The following CD226 variants were observed in gnomAD, a reference collection of about 807,000 sequenced individuals.
The protein encoded by CD226 is CD226 antigen.
In CD226, 24 loss-of-function variants were observed where a neutral mutation model predicts 34.9. The observed-to-expected ratio is 0.69, with a 90% confidence interval of 0.50 to 0.97. The LOEUF (loss-of-function observed/expected upper bound fraction) is 0.97. CD226 is among the 50% of genes least tolerant of loss of function. CD226 has a pLI of 0.00. For synonymous variants in CD226, 148 were observed against 147.4 expected (o/e 1.00, Z -0.03); for missense variants, 397 against 412.7 (o/e 0.96, Z 0.33).
chr18:69,946,436 C>T (rs1023210916), intron 2 of CD226, among the ~76,000 whole-genome samples: 2 of 151,964 alleles, frequency 1.3e-5, no homozygotes, highest in Non-Finnish European at 2.9e-5. Context: ...CATGTGTTGC[C>T]AACATCAGTT....
intron 4 of CD226, among the ~76,000 whole-genome samples, chr18:69,868,203 T>C (rs1353860465): frequency 1.3e-5 from 2 of 152,218 alleles, no homozygotes; most frequent in Admixed American, 6.5e-5. Flanking sequence ...TATAACTGTA[T>C]CCAACTATAT....
upstream of CD226, among the ~76,000 whole-genome samples, chr18:69,948,112 C>G (rs945014015): frequency 6.6e-6 from 1 of 152,172 alleles, no homozygotes; most frequent in African/African-American, 2.4e-5. Flanking sequence ...ATTATAGAGT[C>G]ACAGTAAGTC....
chr18:69,872,091 G>GTGTGTGTGT (rs768112256), intron 4 of CD226, among the ~76,000 whole-genome samples: 10,575 of 93,630 alleles, frequency 0.11, 436 homozygotes, highest in Non-Finnish European at 0.14. Context: ...TGTGTGTGTG[G>GTGTGTGTGT]TGCATTTGGT....
At position 69,873,176 on chromosome 18, in the gene CD226, T is replaced by C; in HGVS notation, c.798A>G (p.Ser266=). 6.2e-7 allele frequency: 1 copy of C among 1,608,098 alleles called. No homozygotes were observed. The highest frequency in any genetic ancestry group is 2.2e-5 in the East Asian group (1 of 44,784). The change falls in exon 4 of 6, where the codon TCA becomes TCG. Residue 266 remains serine (S), a synonymous_variant. Transcript: ENST00000582621. The part of the protein sequence containing the change: ...GTVLLLLFVI[S]ITTIIVIFLN... ...GGAAAATGACAATGATGGTGGTAAT[T>C]GAGATAACAAACAACAACAATAAAA... is the stretch of plus-strand genomic sequence containing the variant.
At chr18:69,880,433 G>A (rs1984177246) in intron 3 of CD226, among the ~76,000 whole-genome samples, 1 of 151,956 alleles carries the variant, frequency 6.6e-6, no homozygotes, top group African/African-American at 2.4e-5. Context: ...GAAAGAGTTG[G>A]CAAGGGTATG....
At chr18:69,945,071 G>GTTCT (rs1402813691) in intron 2 of CD226, among the ~76,000 whole-genome samples, 3 of 152,132 alleles carry the variant, frequency 2.0e-5, no homozygotes, top group Admixed American at 2.0e-4. Flanking sequence ...GTCATAAAAT[G>GTTCT]TTCTTCTCTG....
At chr18:69,889,444 A>C (rs1272508433) in intron 3 of CD226, among the ~76,000 whole-genome samples, 1 of 151,602 alleles carries the variant, frequency 6.6e-6, no homozygotes, top group Non-Finnish European at 1.5e-5. Flanking sequence ...TCTATTCTAA[A>C]TTCATAGGAG....
At chr18:69,910,941 G>T (rs917989624) in intron 2 of CD226, among the ~76,000 whole-genome samples, 1 of 152,148 alleles carries the variant, frequency 6.6e-6, no homozygotes, top group African/African-American at 2.4e-5. Flanking sequence ...CAAGGCAATG[G>T]AGTAAACACC....
At chr18:69,879,293 G>A (rs939834315) in intron 3 of CD226, among the ~76,000 whole-genome samples, 4 of 152,172 alleles carry the variant, frequency 2.6e-5, no homozygotes, top group African/African-American at 9.7e-5. Context: ...GCCTGGGGGT[G>A]CTGCAGGAGG....
chr18:69,892,048 C>T (rs1476154548), intron 3 of CD226, among the ~76,000 whole-genome samples: 2 of 152,198 alleles, frequency 1.3e-5, no homozygotes, highest in African/African-American at 4.8e-5. Context: ...TCTTCATAAC[C>T]TGTTTCATGT....
At chr18:69,935,039 G>A (rs2055635012) in intron 2 of CD226, among the ~76,000 whole-genome samples, 1 of 152,108 alleles carries the variant, frequency 6.6e-6, no homozygotes, top group East Asian at 1.9e-4. Flanking sequence ...TTAGAAACCA[G>A]ATCTTTTTAT....
chr18:69,946,684 G>A (rs756679464), intron 2 of CD226, 50 bp downstream of exon 2: 1 of 1,211,694 alleles, frequency 8.3e-7, no homozygotes. Flanking sequence ...AGAAATAAAT[G>A]TTGTAAGTGG....
At chr18:69,876,605 ATTGTG>A (rs1568162081) in intron 3 of CD226, among the ~76,000 whole-genome samples, 1 of 152,052 alleles carries the variant, frequency 6.6e-6, no homozygotes, top group African/African-American at 2.4e-5. Context: ...AAACTCTCCA[ATTGTG>A]TTTTTTCTCT....
At position 69,867,405 on chromosome 18, in the gene CD226, T is replaced by C. The variant is rs2085826220; in HGVS notation, c.837A>G (p.Arg279=). The change falls in exon 5 of 6, where the codon AGA becomes AGG. Residue 279 remains arginine, a synonymous_variant. Coordinates refer to ENST00000582621, the MANE Select transcript of CD226 (RefSeq NM_001303618.2). ...TAAATAGATCTCTTCTCTCTCTCCT[T>C]CTCCTTCTGGAATGCATATTCAATA... ...TIIVIFLNRR[R]RRERRDLFTE... is the part of the protein sequence containing the mutation. The C allele has an allele frequency of 1.9e-6, 3 of 1,569,636 alleles. No homozygotes were observed. The highest frequency in any genetic ancestry group is 2.6e-6 in the Non-Finnish European group (3 of 1,139,708).
intron 2 of CD226, among the ~76,000 whole-genome samples, chr18:69,909,679 T>C (rs1249582303): frequency 6.6e-6 from 1 of 151,924 alleles, no homozygotes; most frequent in Non-Finnish European, 1.5e-5. Context: ...GAAACAAGAG[T>C]GTCCATGGTA....
chr18:69,870,149 C>G (rs1488434690), intron 4 of CD226, among the ~76,000 whole-genome samples: 4 of 151,830 alleles, frequency 2.6e-5, no homozygotes, highest in Non-Finnish European at 5.9e-5. Context: ...AACCAAGGTT[C>G]CCTATCCATT....
At chr18:69,901,130 G>A (rs1039671332) in intron 2 of CD226, among the ~76,000 whole-genome samples, 2 of 151,896 alleles carry the variant, frequency 1.3e-5, no homozygotes, top group Non-Finnish European at 2.9e-5. Context: ...AGCAGCCCAC[G>A]GGAATATGAA....
chr18:69,896,146 A>G, intron 2 of CD226, 101 bp from the exon 3 acceptor site: 1 of 1,461,224 alleles, frequency 6.8e-7, no homozygotes, highest in Non-Finnish European at 9.0e-7. Context: ...GTTACCTAAC[A>G]CAGTTCTTCC....
rs996914118 is a variant in CD226, at chr18:69,861,526, G to A, written c.*2788C>T. ...ATAGATTCTTAATGTATTATCCATCGATATAAATTATATGTGTATATATAT... is the reference window on the plus strand; with the variant it reads ...ATAGATTCTTAATGTATTATCCATCAATATAAATTATATGTGTATATATAT... On this transcript the variant is annotated 3_prime_UTR_variant, in exon 6 of 6. Coordinates refer to ENST00000582621, the MANE Select transcript of CD226 (RefSeq NM_001303618.2). The A allele has an allele frequency of 9.6e-5, 9 of 94,202 alleles. No homozygotes were observed. The highest frequency in any genetic ancestry group is 3.3e-4 in the African/African-American group (9 of 27,616). 5.8% of individuals were successfully genotyped at this position (94,202 alleles called of 1,614,324 possible). A position where few individuals can be genotyped will look rare whatever the true frequency, so the allele number is the denominator to read the frequency against.
Sources: allele counts gnomAD v4.1 joint callset (sites outside exome capture counted in the v4.1 genomes callset), GRCh38; gene constraint gnomAD v4.1.1; transcripts MANE v1.5; gene names NCBI Gene and HGNC (gene_info 2026-07-23, HGNC 2026-07-21).